The following UBAP2L variants were observed in gnomAD, a reference collection of about 807,000 sequenced individuals.
UBAP2L encodes the protein ubiquitin-associated protein 2-like.
In UBAP2L, 12 loss-of-function variants were observed where a neutral mutation model predicts 130.6. That is an observed-to-expected ratio of 0.09 (90% confidence interval 0.06 to 0.15). UBAP2L has a LOEUF of 0.15. Ranked by LOEUF, UBAP2L falls within the 10% of genes least tolerant of loss-of-function variation. UBAP2L has a pLI of 1.00. For missense variants in UBAP2L, 965 were observed against 1,332.5 expected, an observed-to-expected ratio of 0.72 and a Z score of 4.29; for synonymous variants, 503 against 524.7, an observed-to-expected ratio of 0.96 and a Z score of 0.57.
At position 154,266,429 on chromosome 1, in the gene UBAP2L, T is replaced by A. The variant is rs1205590; in HGVS notation, c.2903-72T>A. On this transcript the variant is annotated intron_variant, in intron 24 of 26. Transcript: ENST00000428931. ...GGTATAGCTAGAAAGGCTACAGATA[T>A]CACCTCATCTCAGGAATAAGGGCCA... The A allele has an allele frequency of 2.5e-3, 3,676 of 1,489,306 alleles. 3 individuals are homozygous for A. The highest frequency in any genetic ancestry group is 3.2e-3 in the Non-Finnish European group (3,412 of 1,066,470). The allele number at this position is 1,489,306 out of a possible 1,614,324, so 92.3% of individuals were successfully genotyped here.
intron 24 of UBAP2L, among the ~76,000 whole-genome samples, chr1:154,265,733 T>G (rs1420389542): frequency 6.6e-6 from 1 of 151,858 alleles, no homozygotes; most frequent in Admixed American, 6.6e-5. Flanking sequence ...AATATGAGAG[T>G]TGGGGTATGA....
In UBAP2L at chr1:154,261,064, C is replaced by T. The variant is rs202244429; in HGVS notation, c.2751C>T (p.Val917=). The change falls in exon 23 of 27, where the codon GTC becomes GTT. Residue 917 remains valine, a synonymous_variant. Transcript: ENST00000428931. ...CCAGCCTGCCATACTATACAGGGGT[C>T]CCGGGCCTCCCCAGCACCTTCCAGT... ...SYTSLPYYTG[V]PGLPSTFQYG... 2 of 1,614,124 alleles carry T rather than the reference C, an allele frequency of 1.2e-6. No individual in the cohort carries two copies. Among genetic ancestry groups the T allele is most frequent in the Non-Finnish European group, 1.7e-6 (2 of 1,180,058 alleles).
chr1:154,268,787 G>A lies in UBAP2L; in HGVS notation c.3001G>A (p.Gly1001Ser), dbSNP rs1684093974. Residue 1001 changes from glycine (G) to serine (S), a missense_variant, in exon 26 of 27, where the codon GGT becomes AGT. This residue lies in a region of UBAP2L where 194 missense variants were observed against 334.0 expected (regional missense o/e 0.58). Coordinates refer to ENST00000428931, the MANE Select transcript of UBAP2L (RefSeq NM_014847.4). ...CTTTGAGAAACAAGGTTTTCATTCC[G>A]GTACTCCTGCTGCTTCCTTCAACTT... is the stretch of plus-strand genomic sequence containing the variant. ...QSFEKQGFHS[G>S]TPAASFNLPS... 1 of 1,614,050 alleles carries A rather than the reference G, an allele frequency of 6.2e-7. No homozygotes were observed. The highest frequency in any genetic ancestry group is 8.5e-7 in the Non-Finnish European group (1 of 1,179,996).
chr1:154,226,355 A>T (rs1480643901), intron 2 of UBAP2L, among the ~76,000 whole-genome samples: 2 of 152,208 alleles, frequency 1.3e-5, no homozygotes. Context: ...ACTTTGATGT[A>T]GATATATTCT....
At chr1:154,236,718 G>A (rs1280233636) in intron 7 of UBAP2L, 107 bp downstream of exon 7, 1 of 1,165,644 alleles carries the variant, frequency 8.6e-7, no homozygotes, top group African/African-American at 1.5e-5. Context: ...AGAAAGATAT[G>A]GGGACTTAGG....
intron 4 of UBAP2L, among the ~76,000 whole-genome samples, chr1:154,233,396 G>A (rs932811076): frequency 1.5e-4 from 22 of 150,626 alleles, no homozygotes; most frequent in South Asian, 8.4e-4. Flanking sequence ...GCGATCTTGC[G>A]TCATTGCAAC....
In UBAP2L at chr1:154,257,428, C is replaced by G; in HGVS notation, c.2436C>G (p.Ala812=). ...TTATGGCTCCAGGGCTGTTACATGC[C>G]TACCCGGTAAGTGGGACTAAAGGAT... ...PYIMAPGLLH[A]YPPQVYGYDD... Residue 812 remains alanine (A), a synonymous_variant, in exon 20 of 27, where the codon GCC becomes GCG. Transcript: ENST00000428931. 6.2e-7 allele frequency: 1 copy of G among 1,612,620 alleles called. No homozygotes were observed. Among genetic ancestry groups the G allele is most frequent in the Non-Finnish European group, 8.5e-7 (1 of 1,180,012 alleles).
chr1:154,229,806 A>G (rs1008552204), intron 4 of UBAP2L, among the ~76,000 whole-genome samples: 2 of 152,138 alleles, frequency 1.3e-5, no homozygotes, highest in Non-Finnish European at 2.9e-5. Context: ...TGGGTCTTAT[A>G]CTGGGGCTCT....
At chr1:154,238,391 A>G (rs1380562617) in intron 8 of UBAP2L, among the ~76,000 whole-genome samples, 1 of 152,234 alleles carries the variant, frequency 6.6e-6, no homozygotes, top group Non-Finnish European at 1.5e-5. Flanking sequence ...AGCAGTCTCA[A>G]TAACAAATAA....
chr1:154,230,685 T>C (rs1669556976), intron 4 of UBAP2L, among the ~76,000 whole-genome samples: 1 of 152,220 alleles, frequency 6.6e-6, no homozygotes. Flanking sequence ...GCTGATGTTA[T>C]ACAGTATCAA....
chr1:154,224,859 TC>T (rs1387186458), intron 1 of UBAP2L, among the ~76,000 whole-genome samples: 2 of 152,182 alleles, frequency 1.3e-5, no homozygotes, highest in Non-Finnish European at 2.9e-5. Context: ...CTTAAAAAAA[TC>T]CATCACTTAC....
intron 24 of UBAP2L, among the ~76,000 whole-genome samples, chr1:154,261,953 G>C (rs772055693): frequency 6.6e-6 from 1 of 152,176 alleles, no homozygotes; most frequent in African/African-American, 2.4e-5. Context: ...ATGTTGGTTG[G>C]CCAAAAGTGT....
chr1:154,258,446 C>T (rs547202272), intron 20 of UBAP2L, among the ~76,000 whole-genome samples: 1 of 152,276 alleles, frequency 6.6e-6, no homozygotes, highest in East Asian at 1.9e-4. Flanking sequence ...TATTTGGTAC[C>T]TATTAAGATG....
upstream of UBAP2L, chr1:154,220,589 A>C: frequency 3.2e-6 from 2 of 630,490 alleles, no homozygotes; most frequent in South Asian, 1.9e-5. Context: ...CTGGGAAAGG[A>C]GAACGACGCC....
At chr1:154,235,801 A>G (rs779569396) in intron 6 of UBAP2L, among the ~76,000 whole-genome samples, 1 of 152,038 alleles carries the variant, frequency 6.6e-6, no homozygotes, top group East Asian at 1.9e-4. Context: ...GAGTCTCAAT[A>G]TGTTGCCCAG....
At chr1:154,243,033 G>T in intron 9 of UBAP2L, 184 bp from the exon 10 acceptor site, 1 of 465,488 alleles carries the variant, frequency 2.1e-6, no homozygotes, top group Non-Finnish European at 3.9e-6. Context: ...CTCTTTCTTT[G>T]GCTAAAACTA....
chr1:154,270,093 G>T, intron 26 of UBAP2L, 107 bp from the exon 27 acceptor site: 3 of 1,367,218 alleles, frequency 2.2e-6, no homozygotes, highest in Non-Finnish European at 2.0e-6. Context: ...GTAGTGAGGG[G>T]AATGGGAGAG....
chr1:154,248,611 TC>T (rs1246486819), intron 11 of UBAP2L, among the ~76,000 whole-genome samples: 17 of 152,072 alleles, frequency 1.1e-4, no homozygotes, highest in Admixed American at 1.0e-3. Context: ...GGTCAGGAGA[TC>T]GAGACCATCC....
chr1:154,256,967 C>A, intron 18 of UBAP2L, 96 bp from the exon 19 acceptor site: 1 of 1,402,096 alleles, frequency 7.1e-7, no homozygotes, highest in Non-Finnish European at 9.6e-7. Context: ...AAGTTGACAT[C>A]ATAATATATT....
Sources: gnomAD v4.1 joint callset for allele counts (sites outside exome capture counted in the v4.1 genomes callset) on GRCh38, gnomAD v4.1.1 for gene constraint, gnomAD v4.1.1 regional missense constraint, MANE v1.5 for transcripts, NCBI Gene and HGNC (gene_info 2026-07-23, HGNC 2026-07-21) for gene names.